Variants in TPRG1 observed in about 807,000 individuals in gnomAD.
TPRG1 encodes tumor protein p63-regulated gene 1 protein.
In TPRG1, 29 loss-of-function variants were observed where a neutral mutation model predicts 29.3. The observed-to-expected ratio is 0.99, with a 90% CI of 0.74 to 1.35. TPRG1 has a LOEUF of 1.35. Among genes scored for constraint, TPRG1 ranks in the 40% most tolerant of loss-of-function variants. The probability of loss-of-function intolerance (pLI) is 0.00; values close to 1 mark genes in which losing one functional copy is unlikely to be tolerated. For missense variants in TPRG1, 327 were observed against 335.0 expected (o/e 0.98, Z 0.19); for synonymous variants, 130 against 116.8 (o/e 1.11, Z -0.73).
At chr3:189,189,652 A>T (rs1001946055) in intron 1 of TPRG1, among the ~76,000 whole-genome samples, 2 of 152,210 alleles carry the variant, frequency 1.3e-5, no homozygotes, top group African/African-American at 4.8e-5. Context: ...ATAAATCTAC[A>T]GTTAGATAAC....
intron 4 of TPRG1, among the ~76,000 whole-genome samples, chr3:189,287,105 A>G (rs1392690643): frequency 2.0e-5 from 3 of 152,084 alleles, no homozygotes; most frequent in African/African-American, 7.2e-5. Context: ...GACATTCATC[A>G]TGCTTGTCAC....
intron 3 of TPRG1, among the ~76,000 whole-genome samples, chr3:189,019,491 A>G (rs1254448583): frequency 6.6e-6 from 1 of 152,208 alleles, no homozygotes; most frequent in Non-Finnish European, 1.5e-5. Context: ...TGAGATAATC[A>G]TATGGTTTTT....
chr3:189,166,547 C>G (rs192893580), intron 5 of TPRG1, among the ~76,000 whole-genome samples: 34 of 152,324 alleles, frequency 2.2e-4, no homozygotes, highest in African/African-American at 7.9e-4. Context: ...AGTTAGTCAA[C>G]TAGGGAAGTA....
rs780181839 is a variant in TPRG1 at position 189,320,804 on chromosome 3, G to A, written c.812G>A (p.Gly271Glu). The A allele has an allele frequency of 5.7e-6, 9 of 1,592,082 alleles. No individual in the cohort carries two copies. Among genetic ancestry groups the A allele is most frequent in the Non-Finnish European group, 6.0e-6 (7 of 1,170,066 alleles). The change falls in exon 6 of 6, where the codon GGG becomes GAG. Residue 271 changes from glycine (G) to glutamate (E), a missense_variant. Physicochemically the swap from Gly to Glu is moderately conservative, Grantham distance 98. Transcript: ENST00000345063. ...RNKLGYSLARGSIGF is the reference protein window; with the variant it reads ...RNKLGYSLARESIGF ...AAACTTGGCTATTCCCTTGCCCGTG[G>A]GAGTATTGGTTTTTGAGAGTCTTTT...
intron 4 of TPRG1, among the ~76,000 whole-genome samples, chr3:189,082,136 C>A (rs370183872): frequency 6.6e-6 from 1 of 152,098 alleles, no homozygotes; most frequent in Non-Finnish European, 1.5e-5. Context: ...GAGGGACACA[C>A]AAGGTGAAAA....
intron 4 of TPRG1, among the ~76,000 whole-genome samples, chr3:189,039,915 C>T (rs1334835539): frequency 6.6e-6 from 1 of 152,122 alleles, no homozygotes; most frequent in Non-Finnish European, 1.5e-5. Context: ...AGTAACACAG[C>T]TCCAGTCTGC....
rs1290619766 is a variant in TPRG1 at position 189,323,867 on chromosome 3, TG to T, written c.*3048del. 2 of 152,156 alleles carry T rather than the reference TG, an allele frequency of 1.3e-5. No individual in the cohort carries two copies. The highest frequency in any genetic ancestry group is 2.9e-5 in the Non-Finnish European group (2 of 68,020). The allele number at this position is 152,156 out of a possible 1,614,324, so 9.4% of individuals were successfully genotyped here. A position where few individuals can be genotyped will look rare whatever the true frequency, so the allele number is the denominator to read the frequency against. ...TTTATCTCATTCAGGAATTTCCACT[TG>T]AAAAATCTCTGATAAGCTTTATTTC... On this transcript the variant is annotated 3_prime_UTR_variant, in exon 6 of 6. Transcript: ENST00000345063.
chr3:189,083,849 C>T (rs925381074), intron 4 of TPRG1, among the ~76,000 whole-genome samples: 2 of 137,284 alleles, frequency 1.5e-5, no homozygotes, highest in African/African-American at 5.9e-5. Flanking sequence ...TTCATAGGAA[C>T]ACTGAGGATA....
intron 4 of TPRG1, among the ~76,000 whole-genome samples, chr3:189,265,504 A>G (rs557214082): frequency 6.6e-6 from 1 of 152,332 alleles, no homozygotes; most frequent in East Asian, 1.9e-4. Context: ...GTTGGCTTCC[A>G]GTAACATTCT....
chr3:189,230,638 C>T (rs545498373), intron 3 of TPRG1, among the ~76,000 whole-genome samples: 46 of 152,190 alleles, frequency 3.0e-4, no homozygotes, highest in African/African-American at 1.0e-3. Flanking sequence ...CCTTTTTCTC[C>T]AGGTCTCTGT....
At chr3:189,232,203 C>T (rs1738775615) in intron 3 of TPRG1, among the ~76,000 whole-genome samples, 1 of 151,964 alleles carries the variant, frequency 6.6e-6, no homozygotes, top group Admixed American at 6.6e-5. Flanking sequence ...TCCTACCTGT[C>T]TTTTATGGGG....
At chr3:189,262,240 GTA>G (rs1560619807) in intron 4 of TPRG1, among the ~76,000 whole-genome samples, 1 of 151,806 alleles carries the variant, frequency 6.6e-6, no homozygotes, top group East Asian at 1.9e-4. Context: ...ATAAGTATAA[GTA>G]TAAGTATAAG....
intron 5 of TPRG1, among the ~76,000 whole-genome samples, chr3:189,311,149 C>T (rs1468696745): frequency 2.0e-5 from 3 of 152,160 alleles, no homozygotes; most frequent in Non-Finnish European, 4.4e-5. Context: ...TCTCTCACCT[C>T]CCCCAGGCAT....
At chr3:189,059,976 T>G (rs900182074) in intron 4 of TPRG1, among the ~76,000 whole-genome samples, 4 of 152,252 alleles carry the variant, frequency 2.6e-5, no homozygotes, top group Non-Finnish European at 5.9e-5. Flanking sequence ...CTTACGCCTG[T>G]AAGCCCAGCA....
At chr3:189,027,229 C>G (rs1457507326) in intron 4 of TPRG1, among the ~76,000 whole-genome samples, 1 of 152,186 alleles carries the variant, frequency 6.6e-6, no homozygotes, top group Non-Finnish European at 1.5e-5. Context: ...ATTTGTACCT[C>G]AGGCCTACTT....
chr3:189,138,635 A>T (rs1446156986), intron 3 of TPRG1, among the ~76,000 whole-genome samples: 1 of 152,180 alleles, frequency 6.6e-6, no homozygotes, highest in Admixed American at 6.5e-5. Flanking sequence ...GAAGTTGTGT[A>T]CATCACTCCT....
At chr3:189,124,395 G>C (rs935028675) in intron 1 of TPRG1, among the ~76,000 whole-genome samples, 2 of 152,188 alleles carry the variant, frequency 1.3e-5, no homozygotes, top group African/African-American at 4.8e-5. Flanking sequence ...ACTGTACTGT[G>C]ACAACCCTGG....
At chr3:189,093,253 G>A (rs375620931) in intron 4 of TPRG1, among the ~76,000 whole-genome samples, 6 of 152,120 alleles carry the variant, frequency 3.9e-5, no homozygotes, top group Non-Finnish European at 8.8e-5. Context: ...AAACTTGCAC[G>A]ATAAAGAATT....
chr3:189,185,824 A>G (rs1356041080), intron 1 of TPRG1, among the ~76,000 whole-genome samples: 1 of 152,036 alleles, frequency 6.6e-6, no homozygotes, highest in African/African-American at 2.4e-5. Context: ...GCTTATTTGT[A>G]TATTTTTCAG....
Sources: allele counts gnomAD v4.1 joint callset (sites outside exome capture counted in the v4.1 genomes callset), GRCh38; gene constraint gnomAD v4.1.1; transcripts MANE v1.5; gene names NCBI Gene and HGNC (gene_info 2026-07-23, HGNC 2026-07-21).